PPM1D: variants seen among roughly 807,000 people sequenced by gnomAD.
The protein encoded by PPM1D is protein phosphatase, Mg2+/Mn2+ dependent 1D.
A neutral mutation model predicts 58.3 loss-of-function variants in PPM1D; 52 were observed. The observed-to-expected ratio is 0.89, with a 90% CI of 0.71 to 1.12. The LOEUF (loss-of-function observed/expected upper bound fraction) is 1.12. Ranked by LOEUF, PPM1D falls within the 50% of genes most tolerant of loss-of-function variation. PPM1D has a pLI of 0.00. For synonymous variants in PPM1D, 278 were observed against 285.1 expected (o/e 0.98, Z 0.25); for missense variants, 564 against 777.2 (o/e 0.73, Z 3.26).
At chr17:60,637,979 G>A (rs968316749) in intron 3 of PPM1D, among the ~76,000 whole-genome samples, 3 of 152,154 alleles carry the variant, frequency 2.0e-5, no homozygotes, top group African/African-American at 7.2e-5. Flanking sequence ...ATGGGATTTA[G>A]GAATGTGGAG....
At chr17:60,647,675 A>G (rs1372763204) in intron 3 of PPM1D, among the ~76,000 whole-genome samples, 1 of 152,220 alleles carries the variant, frequency 6.6e-6, no homozygotes, top group East Asian at 1.9e-4. Flanking sequence ...TAAGATGATT[A>G]TTACAGAATT....
intron 1 of PPM1D, 116 bp downstream of exon 1, chr17:60,601,002 G>A: frequency 7.0e-7 from 1 of 1,431,554 alleles, no homozygotes; most frequent in Admixed American, 2.2e-5. Context: ...ATACACTGAT[G>A]GAAGTGACTA....
At chr17:60,649,183 G>A (rs1207114890) in intron 4 of PPM1D, among the ~76,000 whole-genome samples, 1 of 151,924 alleles carries the variant, frequency 6.6e-6, no homozygotes, top group Non-Finnish European at 1.5e-5. Flanking sequence ...TCAGCCTCCT[G>A]AGCAGCTGGG....
At chr17:60,618,966 C>G (rs1007356493) in intron 1 of PPM1D, among the ~76,000 whole-genome samples, 7 of 152,140 alleles carry the variant, frequency 4.6e-5, no homozygotes, top group African/African-American at 1.7e-4. Flanking sequence ...TAACTATACT[C>G]TCTGTGTTGT....
intron 1 of PPM1D, among the ~76,000 whole-genome samples, chr17:60,613,927 A>G (rs1191342449): frequency 1.9e-5 from 1 of 52,960 alleles, no homozygotes; most frequent in Non-Finnish European, 4.1e-5. Flanking sequence ...ACACAGCCCA[A>G]GCCTCCCCGA....
chr17:60,646,243 G>C (rs1171313387), intron 3 of PPM1D, among the ~76,000 whole-genome samples: 1 of 152,128 alleles, frequency 6.6e-6, no homozygotes. Flanking sequence ...CTGCTCAGAG[G>C]GCTGAATTGC....
In PPM1D at chr17:60,600,279, C is replaced by A. The variant is rs530670309; in HGVS notation, c.-136C>A. The A allele has an allele frequency of 7.0e-7, 1 of 1,432,706 alleles. No individual in the cohort carries two copies. Among genetic ancestry groups the A allele is most frequent in the African/African-American group, 1.5e-5 (1 of 67,716 alleles). 88.7% of individuals were successfully genotyped at this position (1,432,706 alleles called of 1,614,324 possible). A position where few individuals can be genotyped will look rare whatever the true frequency, so the allele number is the denominator to read the frequency against. On this transcript the variant is annotated 5_prime_UTR_variant, in exon 1 of 6. Coordinates refer to ENST00000305921, the MANE Select transcript of PPM1D (RefSeq NM_003620.4). ...CAAGTCCAGACATCGCGCGCCCCCCCTTCTCCGGGTCCGCCCCCTCCCCCT... is the reference window on the plus strand; with the variant it reads ...CAAGTCCAGACATCGCGCGCCCCCCATTCTCCGGGTCCGCCCCCTCCCCCT...
chr17:60,618,629 C>T (rs1272356884), intron 1 of PPM1D, among the ~76,000 whole-genome samples: 2 of 152,088 alleles, frequency 1.3e-5, no homozygotes, highest in South Asian at 4.1e-4. Flanking sequence ...TCCATTCTCC[C>T]ATTTGGGTAG....
chr17:60,639,073 A>G lies in PPM1D; in HGVS notation c.826+5096A>G, dbSNP rs557951135. Among the ~76,000 whole-genome samples, 14 of 152,332 alleles carry G rather than the reference A, an allele frequency of 9.2e-5. No homozygotes were observed. In the South Asian group the frequency reaches 1.2e-3, roughly 14 times the overall value. Reference sequence around the variant, plus strand: ...CCTCATGGAGCTTGCAGTCTAGGAAAGGGTTGAAAGGCATTCATCAGATGA... The same window carrying G: ...CCTCATGGAGCTTGCAGTCTAGGAAGGGGTTGAAAGGCATTCATCAGATGA... On this transcript the variant is annotated intron_variant, in intron 3 of 5. Coordinates refer to ENST00000305921, the MANE Select transcript of PPM1D (RefSeq NM_003620.4).
At chr17:60,614,419 A>G (rs1477496695) in intron 1 of PPM1D, among the ~76,000 whole-genome samples, 3 of 152,154 alleles carry the variant, frequency 2.0e-5, no homozygotes, top group Admixed American at 2.0e-4. Context: ...TGTCTATCTC[A>G]GGGATTGTAA....
intron 1 of PPM1D, among the ~76,000 whole-genome samples, chr17:60,620,494 G>A (rs2030677217): frequency 6.6e-6 from 1 of 151,786 alleles, no homozygotes; most frequent in South Asian, 2.1e-4. Flanking sequence ...TAGCCCAACT[G>A]TTTTTTTCTG....
chr17:60,615,000 C>G (rs1414987392), intron 1 of PPM1D, among the ~76,000 whole-genome samples: 1 of 152,192 alleles, frequency 6.6e-6, no homozygotes, highest in Non-Finnish European at 1.5e-5. Flanking sequence ...TTGTAACCTT[C>G]AGTAAAACTA....
At chr17:60,627,775 A>C (rs763328030) in intron 2 of PPM1D, among the ~76,000 whole-genome samples, 3 of 152,190 alleles carry the variant, frequency 2.0e-5, no homozygotes, top group Admixed American at 1.3e-4. Context: ...TACTGTTTCA[A>C]AACTCAAGAA....
At chr17:60,649,632 T>TGA (rs988147424) in intron 4 of PPM1D, among the ~76,000 whole-genome samples, 3 of 151,554 alleles carry the variant, frequency 2.0e-5, no homozygotes, top group Non-Finnish European at 4.4e-5. Flanking sequence ...GAGGTCGCAG[T>TGA]GAGCCAAGAT....
chr17:60,645,851 TA>T (rs1598410456), intron 3 of PPM1D, among the ~76,000 whole-genome samples: 1 of 151,898 alleles, frequency 6.6e-6, no homozygotes, highest in East Asian at 1.9e-4. Context: ...CATAATATTA[TA>T]AAAAGGCAGA....
chr17:60,602,686 TATG>T (rs1450489985), intron 1 of PPM1D, among the ~76,000 whole-genome samples: 1 of 151,830 alleles, frequency 6.6e-6, no homozygotes, highest in Admixed American at 6.6e-5. Context: ...CTGTCACTCT[TATG>T]ATGCATAAAG....
At chr17:60,643,652 G>T (rs2031179821) in intron 3 of PPM1D, among the ~76,000 whole-genome samples, 1 of 152,120 alleles carries the variant, frequency 6.6e-6, no homozygotes, top group African/African-American at 2.4e-5. Context: ...TATGCTGCCA[G>T]TAGATAGCAC....
rs1283184231 is a variant in PPM1D, at chr17:60,645,496, GTGTATATATATATGTGTATATATA to G, written c.827-2360_827-2337del. ...TGTGTGTGTGTGTGTGTGTGTGTAT[GTGTATATATATATGTGTATATATA>G]TGTATATATATATGTGTATATATAT... On this transcript the variant is annotated intron_variant, in intron 3 of 5. Coordinates refer to ENST00000305921, the MANE Select transcript of PPM1D (RefSeq NM_003620.4). Among the ~76,000 whole-genome samples the G allele has an allele frequency of 1.7e-3, 207 of 119,270 alleles. 1 individual carries two copies. Among genetic ancestry groups the G allele is most frequent in the African/African-American group, 5.5e-3 (167 of 30,124 alleles). 78.2% of individuals were successfully genotyped at this position (119,270 alleles called of 152,430 possible). A position where few individuals can be genotyped will look rare whatever the true frequency, so the allele number is the denominator to read the frequency against.
intron 3 of PPM1D, among the ~76,000 whole-genome samples, chr17:60,646,236 C>A (rs2031248886): frequency 6.6e-6 from 1 of 152,290 alleles, no homozygotes; most frequent in East Asian, 1.9e-4. Flanking sequence ...TGTTTTGCTG[C>A]TCAGAGGGCT....
Sources: gnomAD v4.1 joint callset for allele counts (sites outside exome capture counted in the v4.1 genomes callset) on GRCh38, gnomAD v4.1.1 for gene constraint, MANE v1.5 for transcripts, NCBI Gene and HGNC (gene_info 2026-07-23, HGNC 2026-07-21) for gene names.